The following F12 variants were observed in gnomAD, a reference collection of about 807,000 sequenced individuals.
F12 encodes Hageman factor.
In F12, 70 loss-of-function variants were observed where a neutral mutation model predicts 74.8. The ratio of observed to expected loss-of-function variants is 0.94; its 90% CI spans 0.77 to 1.14. The LOEUF is 1.14. Among genes scored for constraint, F12 ranks in the 50% most tolerant of loss-of-function variants. The pLI is 0.00. For synonymous variants in F12, 373 were observed against 356.4 expected, an observed-to-expected ratio of 1.05 and a Z score of -0.52; for missense variants, 811 against 835.7, an observed-to-expected ratio of 0.97 and a Z score of 0.36.
At chr5:177,409,015 G>C (rs373583569) in intron 2 of F12, 31 bp downstream of exon 2, 1 of 1,549,138 alleles carries the variant, frequency 6.5e-7, no homozygotes, top group East Asian at 2.4e-5. Flanking sequence ...CCCACCCAAG[G>C]GTTCCCGGGA....
intron 2 of F12, among the ~76,000 whole-genome samples, chr5:177,406,854 C>T (rs540185360): frequency 3.3e-5 from 5 of 152,366 alleles, no homozygotes; most frequent in East Asian, 1.9e-4. Flanking sequence ...AAAATTTGCA[C>T]ATTCCCAGTT....
At chr5:177,407,510 C>A (rs1006390819) in intron 2 of F12, among the ~76,000 whole-genome samples, 1 of 152,136 alleles carries the variant, frequency 6.6e-6, no homozygotes, top group Admixed American at 6.5e-5. Context: ...GGGGGCCAGG[C>A]GCGGTGGCTC....
At position 177,402,377 on chromosome 5, in the gene F12, G is replaced by T. The variant is rs1271125447; in HGVS notation, c.1763C>A (p.Ser588Ter). The T allele has an allele frequency of 1.2e-6, 2 of 1,613,492 alleles. No individual in the cohort carries two copies. The highest frequency in any genetic ancestry group is 2.2e-5 in the East Asian group (1 of 44,872). ...TGGCTTGTTGCGGTCACCACAGCCC[G>T]ATCCCCAGCTGATGATGCCTTGCAG... ...LTLQGIISWGSGCGDRNKPGV... is the reference protein window; with the variant it reads ...LTLQGIISWG Residue 588 changes from serine (S) to a stop codon, truncating the protein, a stop_gained, in exon 14 of 14, where the codon TCG becomes TAG. Coordinates refer to ENST00000253496, the MANE Select transcript of F12 (RefSeq NM_000505.4). LOFTEE classifies it high-confidence loss of function.
intron 2 of F12, 52 bp downstream of exon 2, chr5:177,408,994 C>T: frequency 6.6e-7 from 1 of 1,526,012 alleles, no homozygotes; most frequent in Non-Finnish European, 8.9e-7. Flanking sequence ...ACACACTGCA[C>T]CATACACATC....
At chr5:177,405,502 T>G in intron 4 of F12, 69 bp from the exon 5 acceptor site, 1 of 1,489,208 alleles carries the variant, frequency 6.7e-7, no homozygotes, top group Non-Finnish European at 9.2e-7. Context: ...AAGGCCCTTC[T>G]TGAACCTACT....
rs775159688 is a variant in F12, at chr5:177,403,925, C to G, written c.1184G>C (p.Ser395Thr). 9 of 1,596,216 alleles carry G rather than the reference C, an allele frequency of 5.6e-6. No homozygotes were observed. The highest frequency in any genetic ancestry group is 2.2e-5 in the South Asian group (2 of 89,796). The stretch of plus-strand genomic sequence containing the variant: ...GGCGATGAGGCTGCCGGCGCAGAAA[C>G]TGTGGCCCCAGTACAGCGCGGCGAT... ...PYIAALYWGH[S>T]FCAGSLIAPC... Residue 395 changes from serine to threonine, a missense_variant, in exon 10 of 14, where the codon AGT (serine) becomes ACT (threonine). By Grantham distance (58) the Ser-to-Thr change is moderately conservative. Coordinates refer to ENST00000253496, the MANE Select transcript of F12 (RefSeq NM_000505.4).
In F12 at chr5:177,405,380, G is replaced by C. The variant is rs778724407; in HGVS notation, c.340C>G (p.Pro114Ala). The change falls in exon 5 of 14, where the codon CCA becomes GCA. Residue 114 changes from proline to alanine, a missense_variant. By Grantham distance (27) the Pro-to-Ala change is conservative. Coordinates refer to ENST00000253496, the MANE Select transcript of F12 (RefSeq NM_000505.4). ...GGACAGAGACAGTGGGGGCCGCTTG[G>C]CATGTTCACACAGGTCCCTCCTTTC... is the stretch of plus-strand genomic sequence containing the variant. ...CQKGGTCVNM[P>A]SGPHCLCPQH... The C allele has an allele frequency of 1.7e-5, 27 of 1,614,042 alleles. No individual in the cohort carries two copies. Among genetic ancestry groups the C allele is most frequent in the Non-Finnish European group, 2.2e-5 (26 of 1,180,030 alleles).
intron 2 of F12, among the ~76,000 whole-genome samples, chr5:177,406,778 T>C (rs1422849674): frequency 6.6e-6 from 1 of 152,244 alleles, no homozygotes; most frequent in African/African-American, 2.4e-5. Flanking sequence ...TGAATTTTAT[T>C]TGTAACTCCC....
rs755945551 is a variant in F12 at position 177,402,617 on chromosome 5, T to G, written c.1613A>C (p.His538Pro). The G allele has an allele frequency of 6.2e-7, 1 of 1,613,160 alleles. No homozygotes were observed. Among genetic ancestry groups the G allele is most frequent in the South Asian group, 1.1e-5 (1 of 91,076 alleles). Residue 538 changes from histidine to proline, a missense_variant, in exon 13 of 14, where the codon CAC (histidine) becomes CCC (proline). His to Pro is a moderately conservative substitution (Grantham distance 77). Transcript: ENST00000253496. ...SLERCSAPDV[H>P]GSSILPGMLC... Reference sequence around the variant, plus strand: ...CATGCCGGGGAGGATGGAGGATCCGTGCACGTCCGGGGCTGAGCAGCGCTC... The same window carrying G: ...CATGCCGGGGAGGATGGAGGATCCGGGCACGTCCGGGGCTGAGCAGCGCTC...
rs1243655119 is a variant in F12, at chr5:177,404,558, G to A, written c.741C>T (p.Tyr247=). Residue 247 remains tyrosine, a synonymous_variant, in exon 8 of 14, where the codon TAC becomes TAT. Coordinates refer to ENST00000253496, the MANE Select transcript of F12 (RefSeq NM_000505.4). ...PCQPWASEAT[Y]RNVTAEQARN... ...GCGCTTGCTCGGCAGTCACGTTCCG[G>A]TAGGTGGCCTCCGAGGCCCACGGCT... 3.7e-6 allele frequency: 6 copies of A among 1,606,040 alleles called. No homozygotes were observed. Among genetic ancestry groups the A allele is most frequent in the South Asian group, 3.3e-5 (3 of 90,338 alleles).
Position 177,409,528 on chromosome 5 carries a change from G to T in F12, c.-1C>A, listed in dbSNP as rs771283897. On this transcript the variant is annotated 5_prime_UTR_variant, in exon 1 of 14. Transcript: ENST00000253496. ...ACCCCAGGAGCAGCAGAGCCCTCAT[G>T]GCATCCGTCCGTTGGTCCAGCTGCC... 5 of 1,614,102 alleles carry T rather than the reference G, an allele frequency of 3.1e-6. No individual in the cohort carries two copies. In the Admixed American group the frequency reaches 8.3e-5, roughly 27 times the overall value.
At position 177,402,553 on chromosome 5, in the gene F12, GCACGCATCGGTGCCGCCCT is replaced by G; in HGVS notation, c.1658_1676del (p.Glu553AlafsTer105). 1 of 1,610,794 alleles carries G rather than the reference GCACGCATCGGTGCCGCCCT, an allele frequency of 6.2e-7. No homozygotes were observed. Among genetic ancestry groups the G allele is most frequent in the Non-Finnish European group, 8.5e-7 (1 of 1,178,978 alleles). ...GCCAACCGGGCTAAGAGCTCACCTG[GCACGCATCGGTGCCGCCCT>G]CGAGGAACCCTGCGCAGAGCATGCC... On this transcript the variant is annotated frameshift_variant, in exon 13 of 14. Coordinates refer to ENST00000253496, the MANE Select transcript of F12 (RefSeq NM_000505.4). LOFTEE classifies it low-confidence loss of function (END_TRUNC).
chr5:177,402,968 G>T (rs983002890), intron 12 of F12: 1 of 670,298 alleles, frequency 1.5e-6, no homozygotes, highest in Non-Finnish European at 2.5e-6. Context: ...ACACTAGCCC[G>T]GAGCGCGGGG....
At position 177,404,338 on chromosome 5, in the gene F12, C is replaced by A. The variant is rs1446112023; in HGVS notation, c.876G>T (p.Leu292=). 18 of 1,610,822 alleles carry A rather than the reference C, an allele frequency of 1.1e-5. No individual in the cohort carries two copies. The highest frequency in any genetic ancestry group is 1.3e-5 in the Non-Finnish European group (15 of 1,179,066). The part of the protein sequence containing the change: ...RDRLSWEYCD[L]AQCQTPTQAA... ...CCTGGGTTGGGGTCTGGCACTGTGC[C>A]AGGTCGCAGTACTCCCAGCTCAGCC... The change falls in exon 9 of 14, where the codon CTG becomes CTT. Residue 292 remains leucine (L), a synonymous_variant. Transcript: ENST00000253496.
rs756588769 is a variant in F12, at chr5:177,405,951, C to T, written c.215+11G>A. On this transcript the variant is annotated intron_variant, in intron 3 of 13. Coordinates refer to ENST00000253496, the MANE Select transcript of F12 (RefSeq NM_000505.4). ...CCAGGCCCCTGCTCCAACTCCTCTG[C>T]GTAGTCTTACCAGGGCTGAGGGCCT... 2.8e-5 allele frequency: 45 copies of T among 1,612,388 alleles called. No individual in the cohort carries two copies. Among genetic ancestry groups the T allele is most frequent in the Admixed American group, 2.0e-4 (12 of 60,004 alleles).
intron 3 of F12, 40 bp from the exon 4 acceptor site, chr5:177,405,845 C>T (rs1348473915): frequency 6.2e-7 from 1 of 1,607,740 alleles, no homozygotes; most frequent in African/African-American, 1.3e-5. Context: ...TACCCAGGGG[C>T]CTGGCCCACC....
In F12 at chr5:177,402,561, C is replaced by T. The variant is rs1197580752; in HGVS notation, c.1669G>A (p.Asp557Asn). 2 of 1,611,692 alleles carry T rather than the reference C, an allele frequency of 1.2e-6. No homozygotes were observed. The highest frequency in any genetic ancestry group is 1.1e-5 in the South Asian group (1 of 90,768). ...LCAGFLEGGT[D>N]ACQGDSGGPL... ...GGCTAAGAGCTCACCTGGCACGCAT[C>T]GGTGCCGCCCTCGAGGAACCCTGCG... Residue 557 changes from aspartate to asparagine, a missense_variant, in exon 13 of 14, where the codon GAT (aspartate) becomes AAT (asparagine). By Grantham distance (23) the Asp-to-Asn change is conservative (BLOSUM62 1). Transcript: ENST00000253496.
chr5:177,403,444 A>G (rs1763193055), intron 11 of F12, 37 bp downstream of exon 11: 4 of 1,563,816 alleles, frequency 2.6e-6, no homozygotes, highest in Non-Finnish European at 3.4e-6. Context: ...CGGGGCCCCA[A>G]GCTCTCTTCC....
chr5:177,403,234 C>A lies in F12; in HGVS notation c.1531+20G>T. 1 of 1,600,246 alleles carries A rather than the reference C, an allele frequency of 6.2e-7. No individual in the cohort carries two copies. The highest frequency in any genetic ancestry group is 8.5e-7 in the Non-Finnish European group (1 of 1,179,810). On this transcript the variant is annotated intron_variant, in intron 12 of 13. Transcript: ENST00000253496. Reference sequence around the variant, plus strand: ...TCAAAGGTCTCCTCCCCTACCCCTGCCCCTAGCAGTTGTGCCTACCCTCGA... The same window carrying A: ...TCAAAGGTCTCCTCCCCTACCCCTGACCCTAGCAGTTGTGCCTACCCTCGA...
Sources: gnomAD v4.1 joint callset for allele counts (sites outside exome capture counted in the v4.1 genomes callset) on GRCh38, gnomAD v4.1.1 for gene constraint, MANE v1.5 for transcripts, NCBI Gene and HGNC (gene_info 2026-07-23, HGNC 2026-07-21) for gene names.